ASRGL1: variants seen among roughly 807,000 people sequenced by gnomAD.
ASRGL1 encodes the protein isoaspartyl peptidase/L-asparaginase.
ASRGL1 carries 16 observed loss-of-function variants against 22.4 expected under a neutral mutation model. The observed-to-expected ratio is 0.71, with a 90% CI of 0.48 to 1.08. The LOEUF (loss-of-function observed/expected upper bound fraction) is 1.08, where lower values mean the gene tolerates loss of function less well. Among genes scored for constraint, ASRGL1 ranks in the 50% least tolerant of loss-of-function variants. The probability of loss-of-function intolerance (pLI) is 0.00; values close to 1 mark genes in which losing one functional copy is unlikely to be tolerated. For synonymous variants in ASRGL1, 165 were observed against 159.3 expected, an observed-to-expected ratio of 1.04 and a Z score of -0.27; for missense variants, 412 against 410.1, an observed-to-expected ratio of 1.00 and a Z score of -0.04.
At chr11:62,383,627 A>AAAAAAAAAAAAAG (rs1281531653) in intron 4 of ASRGL1, among the ~76,000 whole-genome samples, 1 of 137,010 alleles carries the variant, frequency 7.3e-6, no homozygotes, top group Non-Finnish European at 1.6e-5. Flanking sequence ...AAAAAAAAAA[A>AAAAAAAAAAAAAG]AGAACATCAT....
intron 2 of ASRGL1, among the ~76,000 whole-genome samples, chr11:62,353,510 AT>A (rs199736951): frequency 3.3e-5 from 5 of 150,038 alleles, no homozygotes; most frequent in Admixed American, 6.7e-5. Flanking sequence ...TGCCCAGCTA[AT>A]TTTTTTTTAA....
At chr11:62,353,839 C>A (rs752327667) in intron 2 of ASRGL1, among the ~76,000 whole-genome samples, 14 of 152,106 alleles carry the variant, frequency 9.2e-5, no homozygotes, top group Non-Finnish European at 1.3e-4. Flanking sequence ...TTTATCAGGT[C>A]TTCTCTAACC....
At chr11:62,369,752 C>T (rs1946714616) in intron 4 of ASRGL1, among the ~76,000 whole-genome samples, 1 of 152,082 alleles carries the variant, frequency 6.6e-6, no homozygotes, top group Non-Finnish European at 1.5e-5. Flanking sequence ...GTGAGATTAT[C>T]TTCTCTTCCC....
chr11:62,354,725 A>G (rs1473874509), intron 2 of ASRGL1, among the ~76,000 whole-genome samples: 4 of 152,096 alleles, frequency 2.6e-5, no homozygotes, highest in African/African-American at 4.8e-5. Flanking sequence ...TATTTCTGGA[A>G]TTTTCCATTT....
intron 4 of ASRGL1, among the ~76,000 whole-genome samples, chr11:62,374,481 A>T (rs1213029780): frequency 1.3e-5 from 2 of 152,192 alleles, no homozygotes; most frequent in Non-Finnish European, 1.5e-5. Context: ...AGATGGGACT[A>T]GAAACTTAAG....
intron 4 of ASRGL1, chr11:62,372,661 TCTC>T (rs1345088897): frequency 1.9e-6 from 2 of 1,029,182 alleles, no homozygotes; most frequent in Non-Finnish European, 3.1e-6. Flanking sequence ...AAGTGAGTCT[TCTC>T]CTGGGGCTTC....
intron 4 of ASRGL1, among the ~76,000 whole-genome samples, chr11:62,362,474 T>TAAAATATATATAATATATATTATA (rs1946459412): frequency 8.5e-6 from 1 of 118,118 alleles, no homozygotes; most frequent in Non-Finnish European, 1.6e-5. Flanking sequence ...ATATATTATA[T>TAAAATATATATAATATATATTATA]AAAATATATA....
rs373767568 is a variant in ASRGL1 at position 62,337,926 on chromosome 11, G to A, written c.-52G>A. 852 of 1,546,538 alleles carry A rather than the reference G, an allele frequency of 5.5e-4. 16 individuals carry two copies. The South Asian group carries it at 9.5e-3, about 17-fold the overall frequency. ...GACCTTGTACCCGCGCGGCTTCCTT[G>A]GGCTGGCTTTGGACGACGCTTTCGC... On this transcript the variant is annotated 5_prime_UTR_variant, in exon 2 of 7. Transcript: ENST00000415229.
At chr11:62,360,349 T>G (rs993206786) in intron 4 of ASRGL1, among the ~76,000 whole-genome samples, 3 of 151,964 alleles carry the variant, frequency 2.0e-5, no homozygotes. Flanking sequence ...TTTTTAATTT[T>G]TTTAGATTAG....
intron 4 of ASRGL1, chr11:62,383,203 G>A (rs1441227541): frequency 2.6e-5 from 4 of 152,156 alleles, no homozygotes; most frequent in Admixed American, 2.0e-4. Flanking sequence ...TTCAGCAGAA[G>A]GAAGCTTCTC....
At chr11:62,389,679 A>G in intron 5 of ASRGL1, 1 of 319,614 alleles carries the variant, frequency 3.1e-6, no homozygotes, top group East Asian at 8.1e-5. Context: ...GCAGCATGAA[A>G]GTGACATACT....
At chr11:62,360,531 T>A (rs184506465) in intron 4 of ASRGL1, among the ~76,000 whole-genome samples, 1 of 152,024 alleles carries the variant, frequency 6.6e-6, no homozygotes, top group African/African-American at 2.4e-5. Flanking sequence ...AAAGTAAAAA[T>A]CTTCAAAGAA....
chr11:62,372,823 T>C, intron 4 of ASRGL1: 1 of 1,602,140 alleles, frequency 6.2e-7, no homozygotes, highest in Non-Finnish European at 8.5e-7. Flanking sequence ...GGTGGTCTGT[T>C]TTTCTGGGGG....
intron 4 of ASRGL1, among the ~76,000 whole-genome samples, chr11:62,376,704 A>G (rs1946941536): frequency 6.6e-6 from 1 of 152,054 alleles, no homozygotes; most frequent in Non-Finnish European, 1.5e-5. Flanking sequence ...TAGTTCTTTC[A>G]ACTATGGCCT....
intron 5 of ASRGL1, chr11:62,389,502 G>A: frequency 3.8e-6 from 2 of 531,270 alleles, no homozygotes. Context: ...GGGGAGAGAA[G>A]TGGAGACAGG....
downstream of ASRGL1, among the ~76,000 whole-genome samples, chr11:62,395,301 T>G (rs1395782950): frequency 6.6e-6 from 1 of 151,990 alleles, no homozygotes; most frequent in Non-Finnish European, 1.5e-5. Flanking sequence ...CGCCCCCACT[T>G]GCTCCTTCCA....
At chr11:62,385,593 G>C (rs1299937849) in intron 4 of ASRGL1, among the ~76,000 whole-genome samples, 1 of 152,252 alleles carries the variant, frequency 6.6e-6, no homozygotes. Context: ...GGCCAGGCGT[G>C]GTGCCTCACG....
intron 2 of ASRGL1, among the ~76,000 whole-genome samples, chr11:62,347,334 A>G (rs984171761): frequency 9.9e-5 from 15 of 152,140 alleles, no homozygotes; most frequent in African/African-American, 3.6e-4. Context: ...ATCGTTGGCC[A>G]TTGGTTATCA....
chr11:62,364,188 G>C (rs11231050), intron 4 of ASRGL1, among the ~76,000 whole-genome samples: 127,752 of 142,956 alleles, frequency 0.89, 57,159 homozygotes, highest in East Asian at 1. Flanking sequence ...ATCAGTACTC[G>C]CTGGAATGAA....
Sources: gnomAD v4.1 joint callset for allele counts (sites outside exome capture counted in the v4.1 genomes callset) on GRCh38, gnomAD v4.1.1 for gene constraint, MANE v1.5 for transcripts, NCBI Gene and HGNC (gene_info 2026-07-23, HGNC 2026-07-21) for gene names.